Variants in EIF2AK2 observed in about 807,000 individuals in gnomAD.
EIF2AK2 encodes the protein eukaryotic translation initiation factor 2 alpha kinase 2.
A neutral mutation model predicts 70.5 loss-of-function variants in EIF2AK2; 40 were observed. That is an observed-to-expected ratio of 0.57 (90% CI 0.44 to 0.74). The LOEUF (loss-of-function observed/expected upper bound fraction) is 0.74, where lower values mean the gene tolerates loss of function less well. EIF2AK2 is among the 30% of genes least tolerant of loss of function. EIF2AK2 has a pLI of 0.00. For synonymous variants in EIF2AK2, 198 were observed against 220.9 expected (o/e 0.90, Z 0.92); for missense variants, 555 against 644.3 (o/e 0.86, Z 1.50).
intron 4 of EIF2AK2, among the ~76,000 whole-genome samples, chr2:37,142,275 C>T (rs1675361390): frequency 6.6e-6 from 1 of 152,062 alleles, no homozygotes; most frequent in African/African-American, 2.4e-5. Flanking sequence ...GAACTACAGG[C>T]ACACACCACC....
intron 9 of EIF2AK2, among the ~76,000 whole-genome samples, chr2:37,136,389 C>T (rs185244319): frequency 6.6e-6 from 1 of 152,340 alleles, no homozygotes; most frequent in African/African-American, 2.4e-5. Flanking sequence ...CTCACACATT[C>T]TCCTCATCCC....
At chr2:37,141,166 A>T (rs1675316652) in intron 5 of EIF2AK2, among the ~76,000 whole-genome samples, 1 of 152,210 alleles carries the variant, frequency 6.6e-6, no homozygotes, top group African/African-American at 2.4e-5. Flanking sequence ...CCCTGATCTG[A>T]CAAGGGTGAA....
intron 13 of EIF2AK2, among the ~76,000 whole-genome samples, chr2:37,118,342 A>G (rs1674418729): frequency 6.6e-6 from 1 of 152,152 alleles, no homozygotes; most frequent in African/African-American, 2.4e-5. Flanking sequence ...AAAATTTAAG[A>G]AGAATAATAA....
intron 13 of EIF2AK2, among the ~76,000 whole-genome samples, chr2:37,117,622 T>C (rs919496302): frequency 2.7e-4 from 41 of 152,120 alleles, no homozygotes; most frequent in African/African-American, 9.4e-4. Context: ...GTAGATCATA[T>C]AAAAGGGATG....
At chr2:37,111,937 C>CTATA (rs1295563388) in intron 14 of EIF2AK2, among the ~76,000 whole-genome samples, 7 of 129,830 alleles carry the variant, frequency 5.4e-5, no homozygotes, top group African/African-American at 1.4e-4. Flanking sequence ...CTCTCTCTCT[C>CTATA]TCTATATATA....
chr2:37,108,825 C>T (rs1674050706), intron 15 of EIF2AK2, among the ~76,000 whole-genome samples: 2 of 152,214 alleles, frequency 1.3e-5, no homozygotes, highest in African/African-American at 4.8e-5. Flanking sequence ...CTGCCTTGGC[C>T]TCTCAAAGCT....
In EIF2AK2 at chr2:37,120,101, C is replaced by T. The variant is rs974511065; in HGVS notation, c.1106G>A (p.Cys369Tyr). ...CCATTGTTCCAAGGTCCCTTTATCACAGAATTCCATTTGGATGAAAAGGCA... is the reference window on the plus strand; with the variant it reads ...CCATTGTTCCAAGGTCCCTTTATCATAGAATTCCATTTGGATGAAAAGGCA... ...TKCLFIQMEFCDKGTLEQWIE... is the reference protein window; with the variant it reads ...TKCLFIQMEFYDKGTLEQWIE... Residue 369 changes from cysteine (C) to tyrosine (Y), a missense_variant, in exon 13 of 17, where the codon TGT (cysteine) becomes TAT (tyrosine). Transcript: ENST00000233057. The T allele has an allele frequency of 9.4e-6, 14 of 1,483,546 alleles. No individual in the cohort carries two copies. Among genetic ancestry groups the T allele is most frequent in the Non-Finnish European group, 1.3e-5 (14 of 1,110,392 alleles). The allele number at this position is 1,483,546 out of a possible 1,614,324, so 91.9% of individuals were successfully genotyped here. A position where few individuals can be genotyped will look rare whatever the true frequency, so the allele number is the denominator to read the frequency against.
At chr2:37,128,419 T>C (rs1674819717) in intron 10 of EIF2AK2, among the ~76,000 whole-genome samples, 1 of 152,194 alleles carries the variant, frequency 6.6e-6, no homozygotes, top group South Asian at 2.1e-4. Flanking sequence ...TTGTTTTCAA[T>C]ATTAATAACT....
At chr2:37,156,005 C>A (rs1025959881) in intron 1 of EIF2AK2, among the ~76,000 whole-genome samples, 1 of 150,642 alleles carries the variant, frequency 6.6e-6, no homozygotes, top group African/African-American at 2.4e-5. Flanking sequence ...ATGTTGACAA[C>A]CGAAGTAGTG....
intron 10 of EIF2AK2, among the ~76,000 whole-genome samples, chr2:37,127,857 C>T (rs1674797237): frequency 6.6e-6 from 1 of 151,948 alleles, no homozygotes; most frequent in Non-Finnish European, 1.5e-5. Flanking sequence ...ATTCTCCTGC[C>T]TCAGCCTCCA....
intron 14 of EIF2AK2, among the ~76,000 whole-genome samples, chr2:37,111,921 A>ATCTCTCTC (rs71396206): frequency 1.9e-5 from 2 of 107,828 alleles, no homozygotes; most frequent in African/African-American, 7.2e-5. Context: ...ATCATAATAA[A>ATCTCTCTC]TCTCTCTCTC....
chr2:37,125,152 A>T (rs1262813115), intron 11 of EIF2AK2, among the ~76,000 whole-genome samples: 6 of 152,128 alleles, frequency 3.9e-5, no homozygotes, highest in Non-Finnish European at 1.5e-5. Flanking sequence ...AGCTGAGATT[A>T]CAGGCATGCG....
At chr2:37,134,349 ATT>A (rs1558421405) in intron 10 of EIF2AK2, among the ~76,000 whole-genome samples, 1 of 152,186 alleles carries the variant, frequency 6.6e-6, no homozygotes, top group Non-Finnish European at 1.5e-5. Context: ...TCTGAGGGAA[ATT>A]TCCGTGTAAG....
At chr2:37,121,617 ATTTTT>A (rs34031780) in intron 12 of EIF2AK2, among the ~76,000 whole-genome samples, 4 of 122,160 alleles carry the variant, frequency 3.3e-5, no homozygotes, top group African/African-American at 3.0e-5. Context: ...TGGAGGCTTG[ATTTTT>A]TTTTTTTTTT....
chr2:37,145,281 T>A (rs557109247), intron 4 of EIF2AK2, among the ~76,000 whole-genome samples: 77 of 151,974 alleles, frequency 5.1e-4, no homozygotes, highest in Non-Finnish European at 7.4e-4. Context: ...TAGCCGGAAT[T>A]ATAGGTGCCC....
intron 10 of EIF2AK2, among the ~76,000 whole-genome samples, chr2:37,128,485 T>C (rs1315474049): frequency 1.3e-5 from 2 of 152,182 alleles, no homozygotes; most frequent in Admixed American, 1.3e-4. Context: ...AATTACCACA[T>C]TCCATTTGGA....
intron 4 of EIF2AK2, among the ~76,000 whole-genome samples, chr2:37,145,577 T>C (rs963018574): frequency 6.6e-6 from 1 of 152,134 alleles, no homozygotes; most frequent in Non-Finnish European, 1.5e-5. Context: ...AAAATGAATG[T>C]TGCTTATGTA....
At chr2:37,131,891 C>T (rs1164433590) in intron 10 of EIF2AK2, among the ~76,000 whole-genome samples, 1 of 152,146 alleles carries the variant, frequency 6.6e-6, no homozygotes, top group African/African-American at 2.4e-5. Flanking sequence ...TAGCAAAAAA[C>T]ACACAAGTTA....
intron 11 of EIF2AK2, 84 bp downstream of exon 11, chr2:37,126,205 A>C: frequency 6.9e-7 from 1 of 1,453,584 alleles, no homozygotes; most frequent in Non-Finnish European, 9.2e-7. Flanking sequence ...TGATACCCTA[A>C]TAAAGAAGAG....
Sources: gnomAD v4.1 joint callset for allele counts (sites outside exome capture counted in the v4.1 genomes callset) on GRCh38, gnomAD v4.1.1 for gene constraint, MANE v1.5 for transcripts, NCBI Gene and HGNC (gene_info 2026-07-23, HGNC 2026-07-21) for gene names.